The following GRIK2 variants were observed in gnomAD, a reference collection of about 807,000 sequenced individuals.
The protein encoded by GRIK2 is glutamate ionotropic receptor kainate type subunit 2, also known as glutamate receptor ionotropic, kainate 2.
GRIK2 carries 32 observed loss-of-function variants against 100.3 expected under a neutral mutation model. That is an observed-to-expected ratio of 0.32 (90% CI 0.24 to 0.43). The LOEUF is 0.43. Among genes scored for constraint, GRIK2 ranks in the 20% least tolerant of loss-of-function variants. The pLI, the probability that GRIK2 is intolerant of heterozygous loss-of-function variation, is 1.00. For synonymous variants in GRIK2, 417 were observed against 389.4 expected (o/e 1.07, Z -0.83); for missense variants, 843 against 1,114.9 (o/e 0.76, Z 3.47).
chr6:101,432,294 A>G (rs1403978634), intron 2 of GRIK2, among the ~76,000 whole-genome samples: 1 of 152,256 alleles, frequency 6.6e-6, no homozygotes, highest in Admixed American at 6.5e-5. Context: ...CTGTAACCTT[A>G]TGCTGTCTCT....
chr6:101,824,418 G>A (rs1782180225), intron 10 of GRIK2, among the ~76,000 whole-genome samples: 1 of 152,002 alleles, frequency 6.6e-6, no homozygotes. Flanking sequence ...ACTTCACTTA[G>A]AATAATGGTC....
At chr6:101,872,702 TG>T (rs1294999094) in intron 11 of GRIK2, among the ~76,000 whole-genome samples, 1 of 151,930 alleles carries the variant, frequency 6.6e-6, no homozygotes, top group Non-Finnish European at 1.5e-5. Context: ...CACCTCACAT[TG>T]TATCTCATCT....
intron 10 of GRIK2, among the ~76,000 whole-genome samples, chr6:101,820,408 T>A (rs1781883478): frequency 6.6e-6 from 1 of 152,080 alleles, no homozygotes; most frequent in South Asian, 2.1e-4. Flanking sequence ...AAAACATCAC[T>A]TATTTTATGG....
intron 2 of GRIK2, among the ~76,000 whole-genome samples, chr6:101,460,620 T>C (rs1018070722): frequency 6.6e-6 from 1 of 152,216 alleles, no homozygotes; most frequent in South Asian, 2.1e-4. Flanking sequence ...TTTGAATAGA[T>C]AGATATTTGC....
At chr6:101,677,502 A>G (rs1770927575) in intron 5 of GRIK2, among the ~76,000 whole-genome samples, 1 of 152,194 alleles carries the variant, frequency 6.6e-6, no homozygotes, top group South Asian at 2.1e-4. Context: ...TTATGTCAGC[A>G]TTATTCAGAC....
chr6:101,830,060 G>A (rs949521836), intron 10 of GRIK2, among the ~76,000 whole-genome samples: 35 of 151,918 alleles, frequency 2.3e-4, no homozygotes, highest in Non-Finnish European at 1.5e-5. Context: ...AACAGCATGG[G>A]ATTGGTATAA....
rs541606732 is a variant in GRIK2 at position 101,532,918 on chromosome 6, A to G, written c.116-89031A>G. Among the ~76,000 whole-genome samples, 6 of 151,940 alleles carry G rather than the reference A, an allele frequency of 3.9e-5. No individual in the cohort carries two copies. In the South Asian group the frequency reaches 6.2e-4, roughly 16 times the overall value. The stretch of plus-strand genomic sequence containing the variant: ...ATATCTTTAGTGCTGTGCAGATAGA[A>G]TCATTCAATATATTTACATAGAGGA... On this transcript the variant is annotated intron_variant, in intron 2 of 16. Transcript: ENST00000369134.
At chr6:102,014,425 C>A (rs1795720476) in intron 14 of GRIK2, among the ~76,000 whole-genome samples, 1 of 151,822 alleles carries the variant, frequency 6.6e-6, no homozygotes, top group African/African-American at 2.4e-5. Flanking sequence ...AATAGGTTTT[C>A]ATATCTCAGT....
intron 14 of GRIK2, among the ~76,000 whole-genome samples, chr6:101,988,130 TGTGC>T (rs1231632978): frequency 0.085 from 1,728 of 20,224 alleles, 12 homozygotes; most frequent in Non-Finnish European, 0.16. Flanking sequence ...TGTGTGTGTG[TGTGC>T]GCGCGCGCGC....
intron 12 of GRIK2, among the ~76,000 whole-genome samples, chr6:101,892,069 T>C (rs1787137261): frequency 6.6e-6 from 1 of 152,168 alleles, no homozygotes; most frequent in Non-Finnish European, 1.5e-5. Context: ...CCCTTGTTTT[T>C]TTTTAAATTA....
chr6:101,703,652 T>C (rs985840314), intron 7 of GRIK2, among the ~76,000 whole-genome samples: 1 of 151,650 alleles, frequency 6.6e-6, no homozygotes, highest in Non-Finnish European at 1.5e-5. Context: ...ATACATAAAG[T>C]CACATAAATT....
chr6:101,577,625 C>T (rs1490978563), intron 2 of GRIK2, among the ~76,000 whole-genome samples: 2 of 152,034 alleles, frequency 1.3e-5, no homozygotes, highest in African/African-American at 4.8e-5. Context: ...CATAGTGGAT[C>T]TGTTTATCTT....
At chr6:101,788,786 A>G (rs1007316814) in intron 7 of GRIK2, among the ~76,000 whole-genome samples, 36 of 152,262 alleles carry the variant, frequency 2.4e-4, no homozygotes, top group Non-Finnish European at 3.8e-4. Flanking sequence ...GAATCGCCAC[A>G]CTGACTTCCA....
chr6:101,640,512 C>T (rs553112044), intron 4 of GRIK2, among the ~76,000 whole-genome samples: 1 of 152,224 alleles, frequency 6.6e-6, no homozygotes, highest in African/African-American at 2.4e-5. Context: ...AGATTGCTAA[C>T]CTGGAGAATT....
chr6:102,059,767 T>C (rs980585600), intron 16 of GRIK2, among the ~76,000 whole-genome samples: 1 of 150,754 alleles, frequency 6.6e-6, no homozygotes, highest in African/African-American at 2.4e-5. Flanking sequence ...TTTTTTTAGG[T>C]TTTCAGCAAG....
In GRIK2 at chr6:101,465,724, G is replaced by A. The variant is rs544932961; in HGVS notation, c.115+66332G>A. Reference sequence around the variant, plus strand: ...AGACTCTCCTAAAACCTTTGCAGTTGCAAAAATATTACTCTTCTAGCTGAG... The same window carrying A: ...AGACTCTCCTAAAACCTTTGCAGTTACAAAAATATTACTCTTCTAGCTGAG... On this transcript the variant is annotated intron_variant, in intron 2 of 16. Transcript: ENST00000369134. Among the ~76,000 whole-genome samples, 16 of 152,262 alleles carry A rather than the reference G, an allele frequency of 1.1e-4. 1 individual carries two copies. In the South Asian group the frequency reaches 2.7e-3, roughly 26 times the overall value.
At chr6:101,858,649 A>G (rs976495418) in intron 10 of GRIK2, among the ~76,000 whole-genome samples, 7 of 151,948 alleles carry the variant, frequency 4.6e-5, no homozygotes, top group Non-Finnish European at 8.8e-5. Context: ...TTGGCCTCCC[A>G]AAGTGCTGGG....
chr6:101,601,186 T>G (rs1470019837), intron 2 of GRIK2, among the ~76,000 whole-genome samples: 1 of 151,684 alleles, frequency 6.6e-6, no homozygotes, highest in East Asian at 1.9e-4. Context: ...CTGTGTCTGT[T>G]GAGATTACAT....
At chr6:101,572,087 G>A (rs1490112969) in intron 2 of GRIK2, among the ~76,000 whole-genome samples, 6 of 151,796 alleles carry the variant, frequency 4.0e-5, no homozygotes, top group Non-Finnish European at 7.4e-5. Flanking sequence ...TTACTATTCT[G>A]TATCTTTTTT....
Sources: allele counts gnomAD v4.1 joint callset (sites outside exome capture counted in the v4.1 genomes callset), GRCh38; gene constraint gnomAD v4.1.1; transcripts MANE v1.5; gene names NCBI Gene and HGNC (gene_info 2026-07-23, HGNC 2026-07-21).